BST1: variants seen among roughly 807,000 people sequenced by gnomAD.
BST1 encodes ADP-ribosyl cyclase/cyclic ADP-ribose hydrolase 2.
A neutral mutation model predicts 40.6 loss-of-function variants in BST1; 49 were observed. The ratio of observed to expected loss-of-function variants is 1.21; its 90% confidence interval spans 0.96 to 1.53. The LOEUF is 1.53. Ranked by LOEUF, BST1 falls within the 40% of genes most tolerant of loss-of-function variation. The pLI is 0.00. For synonymous variants in BST1, 157 were observed against 159.3 expected, an observed-to-expected ratio of 0.99 and a Z score of 0.11; for missense variants, 423 against 395.9, an observed-to-expected ratio of 1.07 and a Z score of -0.58.
intron 7 of BST1, among the ~76,000 whole-genome samples, chr4:15,721,382 A>G (rs1194260714): frequency 6.6e-6 from 1 of 152,188 alleles, no homozygotes; most frequent in East Asian, 1.9e-4. Context: ...ACTCAGTGAA[A>G]ACTCCATACC....
At chr4:15,737,665 T>C, downstream of BST1, 1 of 545,726 alleles carries the variant, frequency 1.8e-6, no homozygotes, top group South Asian at 1.6e-5. Context: ...AAGGACTGGG[T>C]GGGCACATGA....
chr4:15,768,124 T>C, the BST1 span, among the ~76,000 whole-genome samples: 2 of 152,226 alleles, frequency 1.3e-5, no homozygotes, highest in Non-Finnish European at 2.9e-5. Context: ...CCCCCAATAA[T>C]TGGTTACCAG....
intron 1 of BST1, among the ~76,000 whole-genome samples, chr4:15,704,263 T>G (rs919620462): frequency 6.7e-6 from 1 of 149,904 alleles, no homozygotes; most frequent in African/African-American, 2.5e-5. Context: ...GGTGTGTATG[T>G]GTGTTCTAGA....
intron 4 of BST1, 65 bp downstream of exon 4, chr4:15,711,954 A>G (rs1326670136): frequency 2.1e-6 from 3 of 1,425,586 alleles, no homozygotes; most frequent in African/African-American, 1.4e-5. Context: ...GAACATAGTC[A>G]TTCAGAGTCT....
chr4:15,715,265 A>G lies in BST1; in HGVS notation c.535-20A>G. ...AATGTCACGTCTTTATTTGCTAAAA[A>G]TACTTGGTTCTTCTCGTAGTATTCC... On this transcript the variant is annotated intron_variant, in intron 4 of 8. Coordinates refer to ENST00000265016, the MANE Select transcript of BST1 (RefSeq NM_004334.3). 1 of 1,611,534 alleles carries G rather than the reference A, an allele frequency of 6.2e-7. No individual in the cohort carries two copies.
chr4:15,731,870 T>C lies in BST1; in HGVS notation c.*25T>C. The C allele has an allele frequency of 1.2e-6, 2 of 1,602,986 alleles. No individual in the cohort carries two copies. ...ACTGGAAACTGTGTTGCTCTAACCC[T>C]CCTCCAGCCCTGCAGCCTCCCCTTG... On this transcript the variant is annotated 3_prime_UTR_variant, in exon 9 of 9. Coordinates refer to ENST00000265016, the MANE Select transcript of BST1 (RefSeq NM_004334.3).
At chr4:15,710,629 A>G (rs1289779017) in intron 3 of BST1, among the ~76,000 whole-genome samples, 2 of 151,896 alleles carry the variant, frequency 1.3e-5, no homozygotes, top group Non-Finnish European at 2.9e-5. Flanking sequence ...TCTACCCCCA[A>G]CTTCTATGAG....
chr4:15,703,312 A>C lies in BST1; in HGVS notation c.168A>C (p.Ala56=). Residue 56 remains alanine, a synonymous_variant, in exon 1 of 9, where the codon GCA becomes GCC. Transcript: ENST00000265016. ...IFLGRCAEYR[A]LLSPEQRNKN... Reference sequence around the variant, plus strand: ...TGGGCCGCTGCGCCGAGTACCGCGCACTGCTGAGTCCCGAGCAGCGGTGAG... The same window carrying C: ...TGGGCCGCTGCGCCGAGTACCGCGCCCTGCTGAGTCCCGAGCAGCGGTGAG... 1.3e-6 allele frequency: 2 copies of C among 1,524,976 alleles called. No homozygotes were observed. Among genetic ancestry groups the C allele is most frequent in the Non-Finnish European group, 8.7e-7 (1 of 1,143,146 alleles). 94.5% of individuals were successfully genotyped at this position (1,524,976 alleles called of 1,614,324 possible). A position where few individuals can be genotyped will look rare whatever the true frequency, so the allele number is the denominator to read the frequency against.
chr4:15,759,662 CTA>C, the BST1 span, among the ~76,000 whole-genome samples: 1 of 151,728 alleles, frequency 6.6e-6, no homozygotes, highest in Non-Finnish European at 1.5e-5. Context: ...CAGCGTATGA[CTA>C]TTCTGCCAAT....
chr4:15,740,205 C>G (rs1039997142), downstream of BST1, among the ~76,000 whole-genome samples: 2 of 152,146 alleles, frequency 1.3e-5, no homozygotes, highest in African/African-American at 2.4e-5. Context: ...AGGCACACGC[C>G]ACTATGCCTG....
chr4:15,717,267 G>T (rs1261816745), intron 6 of BST1, among the ~76,000 whole-genome samples: 1 of 152,132 alleles, frequency 6.6e-6, no homozygotes, highest in Non-Finnish European at 1.5e-5. Flanking sequence ...TTCCTATAAT[G>T]CCTGGAATTC....
At chr4:15,772,433 C>T in the BST1 span, among the ~76,000 whole-genome samples, 712 of 152,334 alleles carry the variant, frequency 4.7e-3, 3 homozygotes, top group Middle Eastern at 0.01. Context: ...CAGTCATTCA[C>T]TAACTGGTTT....
At chr4:15,752,113 T>A in the BST1 span, among the ~76,000 whole-genome samples, 1 of 152,220 alleles carries the variant, frequency 6.6e-6, no homozygotes, top group Non-Finnish European at 1.5e-5. Flanking sequence ...GCTATCATTG[T>A]GTGTTTATGA....
chr4:15,756,225 A>G, the BST1 span, among the ~76,000 whole-genome samples: 8 of 152,366 alleles, frequency 5.3e-5, no homozygotes, highest in East Asian at 1.2e-3. Context: ...AGCTCTTCTC[A>G]TAAAAGAAAA....
chr4:15,768,504 T>TG, the BST1 span, among the ~76,000 whole-genome samples: 1 of 122,498 alleles, frequency 8.2e-6, no homozygotes, highest in East Asian at 2.6e-4. Flanking sequence ...TTTTTTTTTT[T>TG]GAGACGGAGT....
At position 15,713,343 on chromosome 4, in the gene BST1, G is replaced by A. The variant is rs1178744819; in HGVS notation, c.534+1454G>A. ...TGGGACTACAGGCGTGTGCCACCAT[G>A]CCCAGCTAATTTTTGTATTTTCAGT... is the stretch of plus-strand genomic sequence containing the variant. On this transcript the variant is annotated intron_variant, in intron 4 of 8. Transcript: ENST00000265016. Among the ~76,000 whole-genome samples, 5 of 150,708 alleles carry A rather than the reference G, an allele frequency of 3.3e-5. No individual in the cohort carries two copies. The South Asian group carries it at 6.3e-4, about 19-fold the overall frequency.
chr4:15,723,593 G>T (rs1048174765), intron 8 of BST1: 1 of 985,224 alleles, frequency 1.0e-6, no homozygotes, highest in African/African-American at 1.7e-5. Flanking sequence ...GGCTGGCTTG[G>T]TTGTATGTTG....
In BST1 at chr4:15,715,699, T is replaced by A. The variant is rs1178517402; in HGVS notation, c.612-8T>A. Reference sequence around the variant, plus strand: ...TATTGCTTTAGGGCTTCAAGAAATGTTTCTCAGTTTTTTTGCAGATTATGA... The same window carrying A: ...TATTGCTTTAGGGCTTCAAGAAATGATTCTCAGTTTTTTTGCAGATTATGA... On this transcript the variant is annotated splice_region_variant and splice_polypyrimidine_tract_variant and intron_variant, in intron 5 of 8. Coordinates refer to ENST00000265016, the MANE Select transcript of BST1 (RefSeq NM_004334.3). 4 of 1,567,614 alleles carry A rather than the reference T, an allele frequency of 2.6e-6. No homozygotes were observed. Among genetic ancestry groups the A allele is most frequent in the Non-Finnish European group, 3.5e-6 (4 of 1,150,894 alleles).
the BST1 span, among the ~76,000 whole-genome samples, chr4:15,748,985 A>T: frequency 6.6e-6 from 1 of 152,238 alleles, no homozygotes; most frequent in South Asian, 2.1e-4. Flanking sequence ...GAAGCAGCCC[A>T]TAAAGGACAC....
Sources: allele counts gnomAD v4.1 joint callset (sites outside exome capture counted in the v4.1 genomes callset), GRCh38; gene constraint gnomAD v4.1.1; transcripts MANE v1.5; gene names NCBI Gene and HGNC (gene_info 2026-07-23, HGNC 2026-07-21).